ADCY5: variants seen among roughly 807,000 people sequenced by gnomAD.
The protein encoded by ADCY5 is adenylate cyclase 5.
ADCY5 carries 30 observed loss-of-function variants against 119.7 expected under a neutral mutation model. That is an observed-to-expected ratio of 0.25 (90% confidence interval 0.19 to 0.34). The LOEUF is 0.34. Among genes scored for constraint, ADCY5 ranks in the 10% least tolerant of loss-of-function variants. The pLI is 1.00. For missense variants in ADCY5, 1,324 were observed against 1,775.2 expected, an observed-to-expected ratio of 0.75 and a Z score of 4.57; for synonymous variants, 753 against 762.2, an observed-to-expected ratio of 0.99 and a Z score of 0.20.
intron 11 of ADCY5, among the ~76,000 whole-genome samples, chr3:123,317,567 T>C (rs988719329): frequency 1.3e-5 from 2 of 151,794 alleles, no homozygotes; most frequent in African/African-American, 4.8e-5. Context: ...AAACCCCGTC[T>C]CTACTAAAAT....
intron 15 of ADCY5, among the ~76,000 whole-genome samples, chr3:123,298,898 C>G (rs970243638): frequency 7.7e-6 from 1 of 130,332 alleles, no homozygotes; most frequent in Non-Finnish European, 1.5e-5. Flanking sequence ...AAGCATATTA[C>G]GAATCAGGCA....
chr3:123,374,142 G>T (rs1161784932), intron 1 of ADCY5, among the ~76,000 whole-genome samples: 1 of 152,160 alleles, frequency 6.6e-6, no homozygotes, highest in Non-Finnish European at 1.5e-5. Flanking sequence ...GCATCAGGGA[G>T]GGGGTAAGGT....
At chr3:123,358,236 C>A (rs1943115271) in intron 1 of ADCY5, among the ~76,000 whole-genome samples, 1 of 148,832 alleles carries the variant, frequency 6.7e-6, no homozygotes, top group African/African-American at 2.5e-5. Flanking sequence ...CATATACCCA[C>A]AGTACACCAA....
intron 1 of ADCY5, among the ~76,000 whole-genome samples, chr3:123,396,909 C>A (rs538775324): frequency 5.7e-4 from 87 of 152,104 alleles, no homozygotes; most frequent in African/African-American, 2.0e-3. Context: ...CAGGGGCATG[C>A]ACGCCTGCGG....
At chr3:123,394,149 C>T (rs1402600079) in intron 1 of ADCY5, among the ~76,000 whole-genome samples, 3 of 152,082 alleles carry the variant, frequency 2.0e-5, no homozygotes, top group Non-Finnish European at 2.9e-5. Context: ...AAGTTAGTGA[C>T]ATTTTAAATT....
intron 1 of ADCY5, among the ~76,000 whole-genome samples, chr3:123,422,000 T>C (rs893551746): frequency 3.9e-5 from 6 of 152,188 alleles, no homozygotes; most frequent in Non-Finnish European, 5.9e-5. Flanking sequence ...ATTGTCACTG[T>C]TGTAATAATC....
In ADCY5 at chr3:123,420,667, C is replaced by A. The variant is rs984444645; in HGVS notation, c.1134+26745G>T. 2.0e-5 allele frequency among the ~76,000 whole-genome samples: 3 copies of A among 152,198 alleles called. No homozygotes were observed. In the South Asian group the frequency reaches 6.2e-4, roughly 32 times the overall value. ...GACACTGTTTGTCCCTGGGGGGTAACAAGCAGCTCAGGGCAGCGGTGAGGG... is the reference window on the plus strand; with the variant it reads ...GACACTGTTTGTCCCTGGGGGGTAAAAAGCAGCTCAGGGCAGCGGTGAGGG... On this transcript the variant is annotated intron_variant, in intron 1 of 20. Coordinates refer to ENST00000462833, the MANE Select transcript of ADCY5 (RefSeq NM_183357.3).
rs1941610987 is a variant in ADCY5 at position 123,328,646 on chromosome 3, T to C, written c.1803A>G (p.Ala601=). The change falls in exon 6 of 21, where the codon GCA becomes GCG. Residue 601 remains alanine (A), a splice_region_variant and synonymous_variant. Coordinates refer to ENST00000462833, the MANE Select transcript of ADCY5 (RefSeq NM_183357.3). Reference sequence around the variant, plus strand: ...AGCCACCCACAGCTGTCACTCACCCTGCCTTGCCGCCAGCCTCCATGTGGT... The same window carrying C: ...AGCCACCCACAGCTGTCACTCACCCCGCCTTGCCGCCAGCCTCCATGTGGT... The part of the protein sequence containing the change: ...LANHMEAGGK[A]GRIHITKATL... 6.2e-7 allele frequency: 1 copy of C among 1,613,402 alleles called. No individual in the cohort carries two copies. Among genetic ancestry groups the C allele is most frequent in the Non-Finnish European group, 8.5e-7 (1 of 1,179,738 alleles).
In ADCY5 at chr3:123,352,323, G is replaced by A; in HGVS notation, c.1284+109C>T. The stretch of plus-strand genomic sequence containing the variant: ...ATGGGTTGGTCCCCTCCCGGGGAGT[G>A]GGGCTGGCAGCCGTAATAAGCACTG... On this transcript the variant is annotated intron_variant, in intron 2 of 20. Coordinates refer to ENST00000462833, the MANE Select transcript of ADCY5 (RefSeq NM_183357.3). This position sits in a 1 kb window ranked among gnomAD's most constrained non-coding sequence, Gnocchi z 4.8. The A allele has an allele frequency of 1.5e-6, 2 of 1,364,726 alleles. No individual in the cohort carries two copies. The highest frequency in any genetic ancestry group is 2.5e-5 in the Admixed American group (1 of 40,356). 84.5% of individuals were successfully genotyped at this position (1,364,726 alleles called of 1,614,324 possible).
At chr3:123,410,858 G>C (rs954294122) in intron 1 of ADCY5, among the ~76,000 whole-genome samples, 1 of 152,054 alleles carries the variant, frequency 6.6e-6, no homozygotes, top group African/African-American at 2.4e-5. Flanking sequence ...ATGTTGCCCA[G>C]GCTGCTCTCA....
At chr3:123,416,468 A>T in intron 1 of ADCY5, 3 of 787,900 alleles carry the variant, frequency 3.8e-6, no homozygotes, top group Non-Finnish European at 5.8e-6. Flanking sequence ...GGAGGCTCTA[A>T]GGCACTGAAG....
intron 7 of ADCY5, among the ~76,000 whole-genome samples, chr3:123,326,918 C>CTA (rs1445420781): frequency 2.6e-5 from 4 of 152,252 alleles, no homozygotes; most frequent in African/African-American, 9.6e-5. Context: ...TTTCGTTTCA[C>CTA]TTCTTAGGAA....
intron 1 of ADCY5, among the ~76,000 whole-genome samples, chr3:123,403,315 T>G (rs1315356643): frequency 2.1e-5 from 3 of 145,854 alleles, no homozygotes; most frequent in African/African-American, 7.8e-5. Context: ...AAGATGAGGC[T>G]GCAGTGAGCC....
At chr3:123,337,243 T>A (rs1356345046) in intron 3 of ADCY5, among the ~76,000 whole-genome samples, 2 of 152,190 alleles carry the variant, frequency 1.3e-5, no homozygotes, top group Non-Finnish European at 2.9e-5. Context: ...ATCTACTTGA[T>A]TCACGGCTAC....
intron 1 of ADCY5, among the ~76,000 whole-genome samples, chr3:123,381,394 C>T (rs541302699): frequency 1.3e-5 from 2 of 152,330 alleles, no homozygotes; most frequent in South Asian, 4.1e-4. Context: ...AAAAGCCAAT[C>T]CCAGAAGCCT....
intron 1 of ADCY5, among the ~76,000 whole-genome samples, chr3:123,422,350 G>A (rs74557936): frequency 0.035 from 5,292 of 152,278 alleles, 421 homozygotes; most frequent in East Asian, 0.34. Context: ...GGCTGCCCAC[G>A]GAAGTCCCAT....
chr3:123,309,193 G>A (rs1278592780), intron 12 of ADCY5, among the ~76,000 whole-genome samples: 2 of 152,190 alleles, frequency 1.3e-5, no homozygotes, highest in Non-Finnish European at 2.9e-5. Flanking sequence ...GTGATGCGGG[G>A]CCAGGGTATT....
chr3:123,409,566 A>G (rs17295401), intron 1 of ADCY5, among the ~76,000 whole-genome samples: 31,362 of 152,226 alleles, frequency 0.21, 3,951 homozygotes, highest in Middle Eastern at 0.37. Context: ...TCAACTGATT[A>G]TCTAGCACAG....
At chr3:123,338,817 T>C (rs996668934) in intron 3 of ADCY5, among the ~76,000 whole-genome samples, 3 of 152,200 alleles carry the variant, frequency 2.0e-5, no homozygotes, top group Admixed American at 1.3e-4. Flanking sequence ...GCACTTTTGG[T>C]GAAGTGCATT....
Sources: allele counts gnomAD v4.1 joint callset (sites outside exome capture counted in the v4.1 genomes callset), GRCh38; gene constraint gnomAD v4.1.1; non-coding constraint Gnocchi (gnomAD v3.1); transcripts MANE v1.5; gene names NCBI Gene and HGNC (gene_info 2026-07-23, HGNC 2026-07-21).